The following ACOT11 variants were observed in gnomAD, a reference collection of about 807,000 sequenced individuals.
The protein encoded by ACOT11 is acyl-coenzyme A thioesterase 11.
Under a neutral mutation model 77.5 loss-of-function variants are expected in ACOT11, and 69 were observed. The observed-to-expected ratio is 0.89, with a 90% CI of 0.73 to 1.09. The LOEUF is 1.09. Among genes scored for constraint, ACOT11 ranks in the 50% least tolerant of loss-of-function variants. ACOT11 has a pLI of 0.00. For synonymous variants in ACOT11, 279 were observed against 313.0 expected, an observed-to-expected ratio of 0.89 and a Z score of 1.15; for missense variants, 766 against 813.7, an observed-to-expected ratio of 0.94 and a Z score of 0.71.
chr1:54,574,878 C>T (rs17110698), intron 1 of ACOT11, among the ~76,000 whole-genome samples: 2,702 of 152,330 alleles, frequency 0.018, 39 homozygotes, highest in East Asian at 0.039. Flanking sequence ...TCCTTGACAC[C>T]GCTTCCTCAC....
At chr1:54,635,826 A>G (rs1644327618) in exon 17 of ACOT11, 1 of 153,310 alleles carries the variant, frequency 6.5e-6, no homozygotes, top group African/African-American at 2.4e-5. Flanking sequence ...AACTGGCCCC[A>G]AAACTGGCCA....
Position 54,548,260 on chromosome 1 carries a change from AC to A in ACOT11, c.-48del. On this transcript the variant is annotated 5_prime_UTR_variant, in exon 1 of 16. Coordinates refer to ENST00000343744, the MANE Select transcript of ACOT11 (RefSeq NM_147161.4). Reference sequence around the variant, plus strand: ...GTCAGGCCTGGCTGTTGCTCAGGTGACCAGCTTGTGTCTCTGGGAGGGCGCT... The same window carrying A: ...GTCAGGCCTGGCTGTTGCTCAGGTGACAGCTTGTGTCTCTGGGAGGGCGCT... The A allele has an allele frequency of 6.4e-7, 1 of 1,571,960 alleles. No homozygotes were observed. The highest frequency in any genetic ancestry group is 1.2e-5 in the South Asian group (1 of 85,468).
intron 1 of ACOT11, among the ~76,000 whole-genome samples, chr1:54,551,307 A>C (rs1653058150): frequency 6.6e-6 from 1 of 152,132 alleles, no homozygotes; most frequent in African/African-American, 2.4e-5. Flanking sequence ...AGACAGAGTC[A>C]GCATTGGAGT....
chr1:54,558,526 C>T (rs1384341122), intron 1 of ACOT11, among the ~76,000 whole-genome samples: 1 of 152,148 alleles, frequency 6.6e-6, no homozygotes, highest in African/African-American at 2.4e-5. Context: ...CAGGGGAGAG[C>T]TCTCTGAGCA....
At chr1:54,626,538 A>G (rs1210399987) in intron 15 of ACOT11, among the ~76,000 whole-genome samples, 1 of 152,178 alleles carries the variant, frequency 6.6e-6, no homozygotes, top group African/African-American at 2.4e-5. Flanking sequence ...GCAGGCAAAG[A>G]AATCAAGGCT....
At chr1:54,574,303 G>A (rs556534957) in intron 1 of ACOT11, among the ~76,000 whole-genome samples, 174 of 152,258 alleles carry the variant, frequency 1.1e-3, no homozygotes, top group Middle Eastern at 0.01. Context: ...CTGCACACAG[G>A]GTCAGACTCT....
intron 15 of ACOT11, among the ~76,000 whole-genome samples, chr1:54,622,907 A>G (rs1437959420): frequency 6.6e-6 from 1 of 151,298 alleles, no homozygotes; most frequent in Non-Finnish European, 1.5e-5. Flanking sequence ...AGGCATGATG[A>G]CTCACACCTG....
chr1:54,553,670 A>G (rs10788983), intron 1 of ACOT11, among the ~76,000 whole-genome samples: 2 of 152,202 alleles, frequency 1.3e-5, no homozygotes, highest in African/African-American at 2.4e-5. Flanking sequence ...GTCATTAACC[A>G]TATCACCTTA....
At position 54,604,371 on chromosome 1, in the gene ACOT11, C is replaced by T. The variant is rs753713724; in HGVS notation, c.1178C>T (p.Ser393Phe). ...GTGTACCTGAGCTACAATAACGTCTCCTCCTTGAAGATGCTTGTGGCCAAG... is the reference window on the plus strand; with the variant it reads ...GTGTACCTGAGCTACAATAACGTCTTCTCCTTGAAGATGCTTGTGGCCAAG... ...NQVYLSYNNV[S>F]SLKMLVAKDN... The change falls in exon 12 of 16, where the codon TCC (serine) becomes TTC (phenylalanine). Residue 393 changes from serine to phenylalanine, a missense_variant. Ser to Phe is a radical substitution (Grantham distance 155). Transcript: ENST00000343744. The T allele has an allele frequency of 6.2e-7, 1 of 1,614,028 alleles. No individual in the cohort carries two copies. Among genetic ancestry groups the T allele is most frequent in the Non-Finnish European group, 8.5e-7 (1 of 1,180,004 alleles).
rs147401395 is a variant in ACOT11, at chr1:54,635,281, C to A, written c.*552C>A. 4.5e-3 allele frequency: 975 copies of A among 218,520 alleles called. 14 individuals carry two copies. Among genetic ancestry groups the A allele is most frequent in the African/African-American group, 0.022 (919 of 42,092 alleles). The allele number at this position is 218,520 out of a possible 1,614,324, so 13.5% of individuals were successfully genotyped here. A position where few individuals can be genotyped will look rare whatever the true frequency, so the allele number is the denominator to read the frequency against. The stretch of plus-strand genomic sequence containing the variant: ...AGCTTGAATTGCACCTCTCAGTCTG[C>A]ATGCCACGGTCACACTATGTTCAGA... On this transcript the variant is annotated 3_prime_UTR_variant, in exon 17 of 17. Coordinates refer to the ACOT11 transcript ENST00000371316.
chr1:54,556,873 G>C (rs767799753), intron 1 of ACOT11, among the ~76,000 whole-genome samples: 1 of 151,912 alleles, frequency 6.6e-6, no homozygotes, highest in Non-Finnish European at 1.5e-5. Context: ...GTGAGCCATC[G>C]CATCTGGTCT....
rs530225335 is a variant in ACOT11, at chr1:54,582,589, T to C, written c.34-2066T>C. The C allele has an allele frequency of 1.1e-5, 10 of 927,200 alleles. No individual in the cohort carries two copies. The African/African-American group carries it at 1.6e-4, about 15-fold the overall frequency. 57.4% of individuals were successfully genotyped at this position (927,200 alleles called of 1,614,324 possible). A position where few individuals can be genotyped will look rare whatever the true frequency, so the allele number is the denominator to read the frequency against. ...AAACGGGAGTGCATGGGAGGAGGGG[T>C]TGACCAGGTGAGAAGCAGAGAGAGG... On this transcript the variant is annotated intron_variant, in intron 1 of 15. Transcript: ENST00000343744.
At chr1:54,618,003 AG>A (rs1174943034) in intron 15 of ACOT11, among the ~76,000 whole-genome samples, 3 of 152,102 alleles carry the variant, frequency 2.0e-5, no homozygotes, top group Non-Finnish European at 4.4e-5. Context: ...CTGGAATTAC[AG>A]GCATGAGCCA....
intron 1 of ACOT11, among the ~76,000 whole-genome samples, chr1:54,552,444 AC>A (rs1653103434): frequency 6.6e-6 from 1 of 151,114 alleles, no homozygotes; most frequent in African/African-American, 2.4e-5. Context: ...CCATATGTGA[AC>A]CCCCAGCCTC....
downstream of ACOT11, chr1:54,610,974 T>G (rs1334521364): frequency 1.0e-6 from 1 of 985,178 alleles, no homozygotes; most frequent in Non-Finnish European, 1.2e-6. Context: ...TCTGAAACAT[T>G]AGAGTAACCA....
At position 54,594,549 on chromosome 1, in the gene ACOT11, C is replaced by A; in HGVS notation, c.472-7C>A. The A allele has an allele frequency of 6.2e-7, 1 of 1,610,198 alleles. No individual in the cohort carries two copies. The highest frequency in any genetic ancestry group is 8.5e-7 in the Non-Finnish European group (1 of 1,177,932). ...GAGTGTCCCCCACCCTGTCCCCTGG[C>A]CGACAGGTGAAGCTGAAGCAGATCA... On this transcript the variant is annotated splice_region_variant and splice_polypyrimidine_tract_variant and intron_variant, in intron 5 of 15. Transcript: ENST00000343744.
At chr1:54,586,668 A>G (rs990255037) in intron 3 of ACOT11, among the ~76,000 whole-genome samples, 6 of 152,230 alleles carry the variant, frequency 3.9e-5, no homozygotes, top group East Asian at 1.9e-4. Flanking sequence ...TCCTGATCTT[A>G]GGTGATCCAC....
intron 1 of ACOT11, among the ~76,000 whole-genome samples, chr1:54,562,788 C>T (rs1280575751): frequency 3.4e-5 from 3 of 89,326 alleles, no homozygotes; most frequent in Non-Finnish European, 7.1e-5. Flanking sequence ...GGCAGAGGCG[C>T]TCCCCACATC....
exon 17 of ACOT11, chr1:54,635,140 C>A (rs530470949): frequency 1.4e-4 from 34 of 246,030 alleles, no homozygotes; most frequent in Non-Finnish European, 1.5e-4. Context: ...CAGGATTGGA[C>A]CCAGTTAGAA....
Sources: allele counts gnomAD v4.1 joint callset (sites outside exome capture counted in the v4.1 genomes callset), GRCh38; gene constraint gnomAD v4.1.1; transcripts MANE v1.5; gene names NCBI Gene and HGNC (gene_info 2026-07-23, HGNC 2026-07-21).